THSD7B: variants seen among roughly 807,000 people sequenced by gnomAD.
THSD7B encodes the protein thrombospondin type-1 domain-containing protein 7B.
THSD7B carries 138 observed loss-of-function variants against 213.6 expected under a neutral mutation model. The ratio of observed to expected loss-of-function variants is 0.65; its 90% CI spans 0.56 to 0.74. THSD7B has a LOEUF of 0.74. THSD7B is among the 30% of genes least tolerant of loss of function. The pLI is 0.00. For missense variants in THSD7B, 1,931 were observed against 1,991.5 expected (o/e 0.97, Z 0.58); for synonymous variants, 742 against 687.0 (o/e 1.08, Z -1.25).
Position 137,411,309 on chromosome 2 carries a change from C to T in THSD7B, c.2696-300C>T, listed in dbSNP as rs3811525. 9.0e-3 allele frequency among the ~76,000 whole-genome samples: 1,377 copies of T among 152,262 alleles called. 50 individuals carry two copies. The East Asian group carries it at 0.13, about 14-fold the overall frequency. On this transcript the variant is annotated intron_variant, in intron 13 of 27. Coordinates refer to ENST00000409968, the MANE Select transcript of THSD7B (RefSeq NM_001316349.2). ...CAGTATGTTTTTTCCAGCAAACTTA[C>T]AGAGAAAATGTTAAATAAATTAACT...
chr2:137,261,398 G>C lies in THSD7B; in HGVS notation c.2267-11135G>C, dbSNP rs554262465. ...AACTAACATTTTTACATGCTGACTA[G>C]ATGCCAAACCCTGAACTAACTACTT... is the stretch of plus-strand genomic sequence containing the variant. On this transcript the variant is annotated intron_variant, in intron 10 of 27. Transcript: ENST00000409968. 1.3e-5 allele frequency among the ~76,000 whole-genome samples: 2 copies of C among 152,244 alleles called. 1 individual carries two copies. Among genetic ancestry groups the C allele is most frequent in the African/African-American group, 4.8e-5 (2 of 41,520 alleles).
chr2:137,136,283 A>C (rs1267550830), intron 5 of THSD7B, among the ~76,000 whole-genome samples: 2 of 152,222 alleles, frequency 1.3e-5, no homozygotes, highest in African/African-American at 4.8e-5. Context: ...CTTGTATCCC[A>C]GAACTTAAAG....
chr2:137,043,970 A>G (rs1275007540), intron 2 of THSD7B, among the ~76,000 whole-genome samples: 2 of 152,212 alleles, frequency 1.3e-5, no homozygotes, highest in Non-Finnish European at 2.9e-5. Flanking sequence ...TGTACCCTTC[A>G]GAACAATAAT....
At chr2:137,095,615 G>A (rs373093253) in intron 4 of THSD7B, among the ~76,000 whole-genome samples, 3 of 152,106 alleles carry the variant, frequency 2.0e-5, no homozygotes, top group Non-Finnish European at 2.9e-5. Flanking sequence ...TCTTACTGCC[G>A]CTATGTGGTG....
intron 14 of THSD7B, among the ~76,000 whole-genome samples, chr2:137,447,232 T>G (rs1324028670): frequency 2.0e-5 from 3 of 152,124 alleles, no homozygotes; most frequent in Admixed American, 1.3e-4. Flanking sequence ...GCTACAGGCT[T>G]GCTAATTAAA....
chr2:137,391,680 C>T (rs896486150), intron 12 of THSD7B, among the ~76,000 whole-genome samples: 2 of 142,346 alleles, frequency 1.4e-5, no homozygotes, highest in African/African-American at 5.3e-5. Context: ...GAGTGACATT[C>T]GGTCTCAAAA....
intron 3 of THSD7B, 142 bp downstream of exon 3, chr2:137,057,372 T>C (rs1373598619): frequency 2.3e-6 from 2 of 874,594 alleles, no homozygotes; most frequent in Admixed American, 3.1e-5. Flanking sequence ...ATGTAAGAAA[T>C]TTTTAATTTC....
chr2:137,170,840 G>C lies in THSD7B; in HGVS notation c.1625G>C (p.Cys542Ser). ...VESVPCEDPM[C>S]YRWLASEGIC... ...TCTGTTCCTTGTGAGGATCCAATGTGCTACCGATGGCTGGCATCAGAAGGG... is the reference window on the plus strand; with the variant it reads ...TCTGTTCCTTGTGAGGATCCAATGTCCTACCGATGGCTGGCATCAGAAGGG... Residue 542 changes from cysteine to serine, a missense_variant, in exon 7 of 28, where the codon TGC becomes TCC. Transcript: ENST00000409968. 6.2e-7 allele frequency: 1 copy of C among 1,613,700 alleles called. No individual in the cohort carries two copies. The highest frequency in any genetic ancestry group is 1.1e-5 in the South Asian group (1 of 91,066).
chr2:136,968,024 G>A (rs1418308512), intron 2 of THSD7B, among the ~76,000 whole-genome samples: 5 of 151,982 alleles, frequency 3.3e-5, no homozygotes, highest in African/African-American at 1.2e-4. Context: ...TATTATTAAT[G>A]GGCATTTGGA....
chr2:136,826,895 A>T (rs1215406169), intron 1 of THSD7B, among the ~76,000 whole-genome samples: 2 of 152,200 alleles, frequency 1.3e-5, no homozygotes. Flanking sequence ...AATAATCTCT[A>T]TGTCTGTGTA....
intron 2 of THSD7B, among the ~76,000 whole-genome samples, chr2:137,000,181 C>T (rs1429175472): frequency 6.6e-6 from 1 of 152,126 alleles, no homozygotes; most frequent in Non-Finnish European, 1.5e-5. Context: ...CTATTATGCT[C>T]TGAAATTTAC....
At chr2:137,325,091 A>G (rs1684339287) in intron 12 of THSD7B, among the ~76,000 whole-genome samples, 1 of 152,244 alleles carries the variant, frequency 6.6e-6, no homozygotes, top group Non-Finnish European at 1.5e-5. Context: ...GAAAGAAGTC[A>G]CTGGACAGGC....
Position 137,160,383 on chromosome 2 carries a change from T to C in THSD7B, c.1525+15T>C. 2 of 1,610,596 alleles carry C rather than the reference T, an allele frequency of 1.2e-6. No homozygotes were observed. Among genetic ancestry groups the C allele is most frequent in the Non-Finnish European group, 1.7e-6 (2 of 1,178,360 alleles). ...GGGGAAAAAAGGTGAGTGCCTTGTT[T>C]GCATGCGCTTCATTTGCTGTCAGCG... On this transcript the variant is annotated intron_variant, in intron 6 of 27. Transcript: ENST00000409968.
At chr2:137,109,205 C>T (rs1459578359) in intron 4 of THSD7B, among the ~76,000 whole-genome samples, 1 of 152,138 alleles carries the variant, frequency 6.6e-6, no homozygotes, top group South Asian at 2.1e-4. Flanking sequence ...CTATTACTTC[C>T]CTCAGTAGCC....
At chr2:137,166,371 A>T (rs1333547955) in intron 6 of THSD7B, among the ~76,000 whole-genome samples, 1 of 152,214 alleles carries the variant, frequency 6.6e-6, no homozygotes, top group Middle Eastern at 3.2e-3. Context: ...CATAGATGTG[A>T]TACATTTTAA....
chr2:137,015,810 T>TTC (rs1686328689), intron 2 of THSD7B, among the ~76,000 whole-genome samples: 1 of 152,096 alleles, frequency 6.6e-6, no homozygotes, highest in Admixed American at 6.6e-5. Context: ...GCCACTCTAT[T>TTC]TCTCTCTCAG....
At chr2:136,943,914 C>T (rs1471337462) in intron 2 of THSD7B, among the ~76,000 whole-genome samples, 2 of 151,982 alleles carry the variant, frequency 1.3e-5, no homozygotes, top group Non-Finnish European at 2.9e-5. Context: ...TATTTCTTGC[C>T]TTCTGCTAGC....
At chr2:137,420,023 C>G (rs1263134770) in intron 14 of THSD7B, among the ~76,000 whole-genome samples, 1 of 152,118 alleles carries the variant, frequency 6.6e-6, no homozygotes, top group Non-Finnish European at 1.5e-5. Context: ...AAACTCCATA[C>G]TGTTATTCAT....
At position 137,092,405 on chromosome 2, in the gene THSD7B, C is replaced by T. The variant is rs1358427611; in HGVS notation, c.951-2468C>T. ...CCCAGCCTGAGTATCAGAGTGAGATCCTGTCTCAAAAAAATAAATAAAATA... is the reference window on the plus strand; with the variant it reads ...CCCAGCCTGAGTATCAGAGTGAGATTCTGTCTCAAAAAAATAAATAAAATA... On this transcript the variant is annotated intron_variant, in intron 3 of 27. Coordinates refer to ENST00000409968, the MANE Select transcript of THSD7B (RefSeq NM_001316349.2). Among the ~76,000 whole-genome samples the T allele has an allele frequency of 5.3e-5, 8 of 151,834 alleles. No individual in the cohort carries two copies. The East Asian group carries it at 1.4e-3, about 26-fold the overall frequency.
Sources: allele counts gnomAD v4.1 joint callset (sites outside exome capture counted in the v4.1 genomes callset), GRCh38; gene constraint gnomAD v4.1.1; transcripts MANE v1.5; gene names NCBI Gene and HGNC (gene_info 2026-07-23, HGNC 2026-07-21).